The following CSMD3 variants were observed in gnomAD, a reference collection of about 807,000 sequenced individuals.
CSMD3 encodes the protein CUB and Sushi multiple domains 3, also known as CUB and sushi domain-containing protein 3.
CSMD3 carries 177 observed loss-of-function variants against 435.2 expected under a neutral mutation model. The ratio of observed to expected loss-of-function variants is 0.41; its 90% CI spans 0.36 to 0.46. CSMD3 has a LOEUF of 0.46. CSMD3 is among the 20% of genes least tolerant of loss of function. CSMD3 has a pLI of 0.34. For synonymous variants in CSMD3, 1,656 were observed against 1,520.5 expected (o/e 1.09, Z -2.07); for missense variants, 4,265 against 4,504.6 (o/e 0.95, Z 1.52).
chr8:112,912,070 A>G (rs2082435456), intron 10 of CSMD3, among the ~76,000 whole-genome samples: 1 of 148,512 alleles, frequency 6.7e-6, no homozygotes, highest in African/African-American at 2.4e-5. Context: ...GATTTTTTTA[A>G]GATCAAGGAG....
chr8:112,826,405 G>A (rs1053016605), intron 12 of CSMD3, among the ~76,000 whole-genome samples: 6 of 152,160 alleles, frequency 3.9e-5, no homozygotes, highest in Non-Finnish European at 7.4e-5. Context: ...CTAGATGAGT[G>A]GCTATTGAGA....
intron 66 of CSMD3, among the ~76,000 whole-genome samples, chr8:112,238,497 T>C (rs1340926246): frequency 1.3e-5 from 2 of 152,008 alleles, no homozygotes; most frequent in Non-Finnish European, 2.9e-5. Context: ...ATTTCCATGA[T>C]AATTTATAAG....
chr8:112,596,317 T>C (rs1278998704), intron 22 of CSMD3, among the ~76,000 whole-genome samples: 1 of 152,148 alleles, frequency 6.6e-6, no homozygotes, highest in African/African-American at 2.4e-5. Context: ...AAGAGCTAAC[T>C]ATCCAAAATA....
Position 113,214,922 on chromosome 8 carries a change from T to G in CSMD3, c.515-41006A>C, listed in dbSNP as rs563671183. 5.9e-5 allele frequency among the ~76,000 whole-genome samples: 9 copies of G among 151,946 alleles called. No individual in the cohort carries two copies. In the South Asian group the frequency reaches 1.9e-3, roughly 31 times the overall value. On this transcript the variant is annotated intron_variant, in intron 3 of 70. Transcript: ENST00000297405. ...CCCATAGCTTTGAAATATTATCGAATTCTATATATAACAAGGTGATATCAA... is the reference window on the plus strand; with the variant it reads ...CCCATAGCTTTGAAATATTATCGAAGTCTATATATAACAAGGTGATATCAA...
chr8:113,326,734 T>C (rs1643611359), intron 1 of CSMD3, among the ~76,000 whole-genome samples: 1 of 152,134 alleles, frequency 6.6e-6, no homozygotes, highest in Admixed American at 6.5e-5. Context: ...ACTGTGTCCT[T>C]CTGATTTTAT....
chr8:112,853,055 C>G (rs952862451), intron 11 of CSMD3, among the ~76,000 whole-genome samples: 2 of 152,120 alleles, frequency 1.3e-5, no homozygotes, highest in East Asian at 3.9e-4. Flanking sequence ...ACTTGAGACA[C>G]TTAATCTGAT....
At chr8:113,211,724 C>G (rs2092837222) in intron 3 of CSMD3, among the ~76,000 whole-genome samples, 1 of 152,136 alleles carries the variant, frequency 6.6e-6, no homozygotes. Flanking sequence ...TAAAAGCATG[C>G]AAAGTTCTCA....
At chr8:113,319,404 T>A (rs2093933730) in intron 1 of CSMD3, among the ~76,000 whole-genome samples, 1 of 152,012 alleles carries the variant, frequency 6.6e-6, no homozygotes, top group South Asian at 2.1e-4. Flanking sequence ...TAAAATCAGG[T>A]TATTGTTTTT....
At chr8:113,331,868 C>T (rs78480520) in intron 1 of CSMD3, among the ~76,000 whole-genome samples, 4,498 of 151,694 alleles carry the variant, frequency 0.03, 87 homozygotes, top group Admixed American at 0.04. Context: ...AGCTCAGGAA[C>T]AGAACGAGGA....
In CSMD3 at chr8:113,243,195, G is replaced by A. The variant is rs113220393; in HGVS notation, c.514+35397C>T. On this transcript the variant is annotated intron_variant, in intron 3 of 70. Transcript: ENST00000297405. ...CTGAAAGAAAAAAACTGCATTTGGT[G>A]TAAAATTATTTATCCACACATTCTT... is the stretch of plus-strand genomic sequence containing the variant. Among the ~76,000 whole-genome samples the A allele has an allele frequency of 3.5e-3, 538 of 151,932 alleles. 2 individuals carry two copies. The highest frequency in any genetic ancestry group is 0.012 in the African/African-American group (501 of 41,504).
chr8:112,296,965 T>C (rs1820353719), intron 53 of CSMD3, among the ~76,000 whole-genome samples: 1 of 151,896 alleles, frequency 6.6e-6, no homozygotes, highest in Non-Finnish European at 1.5e-5. Flanking sequence ...TTTATGCCAA[T>C]ACATTTTAAC....
chr8:113,040,847 A>C (rs1022672904), intron 5 of CSMD3, among the ~76,000 whole-genome samples: 2 of 152,106 alleles, frequency 1.3e-5, no homozygotes, highest in African/African-American at 4.8e-5. Flanking sequence ...ATAGAAGACC[A>C]ATAACTTGCT....
intron 5 of CSMD3, among the ~76,000 whole-genome samples, chr8:113,072,713 T>C (rs2089178360): frequency 1.3e-5 from 2 of 151,820 alleles, no homozygotes; most frequent in Admixed American, 1.3e-4. Context: ...TCATTTAAAA[T>C]CAGGAAATTT....
chr8:112,386,719 T>G lies in CSMD3; in HGVS notation c.5935-3056A>C, dbSNP rs554136011. ...TCACTATGTTAGCCAGGATGGTCGC[T>G]ATCTCCTGACCTCGTGATCCGCCCG... is the stretch of plus-strand genomic sequence containing the variant. On this transcript the variant is annotated intron_variant, in intron 36 of 70. Transcript: ENST00000297405. Among the ~76,000 whole-genome samples the G allele has an allele frequency of 6.5e-4, 98 of 151,830 alleles. 1 individual carries two copies. The South Asian group carries it at 7.7e-3, about 12-fold the overall frequency.
chr8:113,315,690 G>C (rs1263035993), intron 1 of CSMD3, among the ~76,000 whole-genome samples: 1 of 147,342 alleles, frequency 6.8e-6, no homozygotes, highest in African/African-American at 2.5e-5. Context: ...TATATCAAAT[G>C]TATATTAAAT....
At chr8:113,344,364 A>G (rs890425615) in intron 1 of CSMD3, among the ~76,000 whole-genome samples, 6 of 152,096 alleles carry the variant, frequency 3.9e-5, no homozygotes, top group African/African-American at 1.4e-4. Context: ...GTCTTTTGAG[A>G]TAAAATTATG....
In CSMD3 at chr8:112,225,041, A is replaced by G. The variant is rs141965643; in HGVS notation, c.10965-111T>C. 423 of 1,056,766 alleles carry G rather than the reference A, an allele frequency of 4.0e-4. 1 individual carries two copies. In the East Asian group the frequency reaches 9.8e-3, roughly 24 times the overall value. The allele number at this position is 1,056,766 out of a possible 1,614,324, so 65.5% of individuals were successfully genotyped here. ...CAGATAATGTAACTTAAAAATATTA[A>G]TTGAGACATCATAAACACACTAAGT... On this transcript the variant is annotated intron_variant, in intron 70 of 70. Coordinates refer to ENST00000297405, the MANE Select transcript of CSMD3 (RefSeq NM_198123.2).
chr8:112,724,020 G>C (rs1046610337), intron 13 of CSMD3, among the ~76,000 whole-genome samples: 3 of 151,918 alleles, frequency 2.0e-5, no homozygotes, highest in African/African-American at 4.8e-5. Flanking sequence ...TTTCAGTGTA[G>C]AGAGACAGAA....
intron 13 of CSMD3, among the ~76,000 whole-genome samples, chr8:112,741,920 A>C (rs2077321077): frequency 6.6e-6 from 1 of 151,908 alleles, no homozygotes; most frequent in Non-Finnish European, 1.5e-5. Context: ...TATATTGTGA[A>C]ATAGAAGAAA....
Sources: gnomAD v4.1 joint callset for allele counts (sites outside exome capture counted in the v4.1 genomes callset) on GRCh38, gnomAD v4.1.1 for gene constraint, MANE v1.5 for transcripts, NCBI Gene and HGNC (gene_info 2026-07-23, HGNC 2026-07-21) for gene names.